Variants in BCKDHB observed in about 807,000 individuals in gnomAD.
BCKDHB encodes 2-oxoisovalerate dehydrogenase subunit beta, mitochondrial.
BCKDHB carries 41 observed loss-of-function variants against 48.5 expected under a neutral mutation model. The ratio of observed to expected loss-of-function variants is 0.85; its 90% CI spans 0.66 to 1.10. The LOEUF is 1.10. Ranked by LOEUF, BCKDHB falls within the 50% of genes least tolerant of loss-of-function variation. The pLI, the probability that BCKDHB is intolerant of heterozygous loss-of-function variation, is 0.00. For missense variants in BCKDHB, 496 were observed against 494.2 expected (o/e 1.00, Z -0.03); for synonymous variants, 201 against 174.8 (o/e 1.15, Z -1.18).
rs537762539 is a variant in BCKDHB at position 80,192,731 on chromosome 6, C to T, written c.743-8203C>T. On this transcript the variant is annotated intron_variant, in intron 6 of 9. Coordinates refer to ENST00000320393, the MANE Select transcript of BCKDHB (RefSeq NM_183050.4). Reference sequence around the variant, plus strand: ...CTTTTTTTGTTTACATTAAATGAGACAGGGAAATGTAATGAAGTTAATTTG... The same window carrying T: ...CTTTTTTTGTTTACATTAAATGAGATAGGGAAATGTAATGAAGTTAATTTG... 2.1e-4 allele frequency among the ~76,000 whole-genome samples: 32 copies of T among 151,796 alleles called. No individual in the cohort carries two copies. The South Asian group carries it at 6.6e-3, about 32-fold the overall frequency.
chr6:80,253,350 A>G (rs1362579008), intron 8 of BCKDHB, among the ~76,000 whole-genome samples: 1 of 152,186 alleles, frequency 6.6e-6, no homozygotes, highest in Non-Finnish European at 1.5e-5. Flanking sequence ...CTAGAGAGGA[A>G]GGTTGCAGGA....
At chr6:80,366,050 G>A in the BCKDHB span, among the ~76,000 whole-genome samples, 201 of 152,266 alleles carry the variant, frequency 1.3e-3, 1 homozygote, top group East Asian at 0.025. Flanking sequence ...TTAGTGTGGC[G>A]TGTGTTGCAA....
chr6:80,407,763 A>T, the BCKDHB span, among the ~76,000 whole-genome samples: 2 of 152,204 alleles, frequency 1.3e-5, no homozygotes, highest in Non-Finnish European at 2.9e-5. Flanking sequence ...GGCTGAGATG[A>T]TGGGGTTTTC....
Position 80,106,876 on chromosome 6 carries a change from G to A in BCKDHB, c.183G>A (p.Glu61=). The change falls in exon 1 of 10, where the codon GAG becomes GAA. Residue 61 remains glutamate, a synonymous_variant. Coordinates refer to ENST00000320393, the MANE Select transcript of BCKDHB (RefSeq NM_183050.4). ...ATTTTACTTTCCAGCCAGATCCGGAGCCCCGGGAGTACGGTGAGCCCTGGG... is the reference window on the plus strand; with the variant it reads ...ATTTTACTTTCCAGCCAGATCCGGAACCCCGGGAGTACGGTGAGCCCTGGG... ...VAHFTFQPDP[E]PREYGQTQKM... The A allele has an allele frequency of 6.2e-7, 1 of 1,607,554 alleles. No homozygotes were observed. The highest frequency in any genetic ancestry group is 2.2e-5 in the East Asian group (1 of 44,678).
intron 9 of BCKDHB, chr6:80,307,753 G>A: frequency 1.0e-6 from 1 of 982,622 alleles, no homozygotes; most frequent in Non-Finnish European, 1.2e-6. Flanking sequence ...ATTTATTTTA[G>A]TAGAAGATGA....
downstream of BCKDHB, among the ~76,000 whole-genome samples, chr6:80,350,518 G>A (rs1237801185): frequency 6.6e-6 from 1 of 152,054 alleles, no homozygotes; most frequent in Admixed American, 6.6e-5. Context: ...ATACTGCAAA[G>A]CTCCTTTCTT....
chr6:80,186,297 G>A (rs932953868), intron 6 of BCKDHB, among the ~76,000 whole-genome samples: 1 of 152,246 alleles, frequency 6.6e-6, no homozygotes. Context: ...GTGATGTTCC[G>A]GGGCATTACA....
chr6:80,354,320 C>T, the BCKDHB span, among the ~76,000 whole-genome samples: 6 of 152,098 alleles, frequency 3.9e-5, no homozygotes, highest in Non-Finnish European at 8.8e-5. Flanking sequence ...CTCTGCCTCA[C>T]GGGTTCAAAC....
the BCKDHB span, among the ~76,000 whole-genome samples, chr6:80,460,887 T>A: frequency 6.6e-6 from 1 of 152,124 alleles, no homozygotes; most frequent in Non-Finnish European, 1.5e-5. Flanking sequence ...TCTGTGAAAC[T>A]CTTCAGCAGA....
chr6:80,246,894 C>T (rs970041937), intron 8 of BCKDHB, among the ~76,000 whole-genome samples: 3 of 152,038 alleles, frequency 2.0e-5, no homozygotes, highest in African/African-American at 7.2e-5. Flanking sequence ...CACCCCTCTC[C>T]CCCAACATAC....
intron 2 of BCKDHB, among the ~76,000 whole-genome samples, chr6:80,127,982 C>T (rs529538631): frequency 1.3e-5 from 2 of 152,006 alleles, no homozygotes; most frequent in Admixed American, 1.3e-4. Flanking sequence ...TTATGCTTCC[C>T]TTTGGAATAC....
chr6:80,347,725 T>A (rs944736856), downstream of BCKDHB, among the ~76,000 whole-genome samples: 1 of 152,220 alleles, frequency 6.6e-6, no homozygotes, highest in Non-Finnish European at 1.5e-5. Context: ...TCACCTCTAG[T>A]TAGCCCTGCA....
At chr6:80,307,340 G>C (rs1411743765) in intron 9 of BCKDHB, 2 of 847,388 alleles carry the variant, frequency 2.4e-6, no homozygotes, top group Middle Eastern at 5.9e-4. Flanking sequence ...TGCATTGACA[G>C]ATATTTAATA....
chr6:80,175,702 C>T (rs1310022505), intron 6 of BCKDHB, among the ~76,000 whole-genome samples: 1 of 152,116 alleles, frequency 6.6e-6, no homozygotes, highest in East Asian at 1.9e-4. Flanking sequence ...GGTTACACTG[C>T]ATTGTTTAAA....
At chr6:80,439,856 C>A in the BCKDHB span, among the ~76,000 whole-genome samples, 1 of 152,174 alleles carries the variant, frequency 6.6e-6, no homozygotes, top group Non-Finnish European at 1.5e-5. Flanking sequence ...TAACTCCTGT[C>A]TTGCTGGCAC....
the BCKDHB span, among the ~76,000 whole-genome samples, chr6:80,465,270 G>T: frequency 6.6e-6 from 1 of 152,160 alleles, no homozygotes; most frequent in African/African-American, 2.4e-5. Context: ...GCTGAAAATT[G>T]AAACAGGTAA....
intron 1 of BCKDHB, among the ~76,000 whole-genome samples, chr6:80,122,031 T>C (rs530044123): frequency 1.4e-4 from 21 of 152,336 alleles, no homozygotes; most frequent in Middle Eastern, 3.4e-3. Flanking sequence ...GTTCCATCAA[T>C]ACCTAGTTTA....
chr6:80,275,544 T>C (rs1358552440), intron 9 of BCKDHB, among the ~76,000 whole-genome samples: 2 of 152,064 alleles, frequency 1.3e-5, no homozygotes, highest in East Asian at 3.8e-4. Context: ...ATTCAGATTT[T>C]ATTTGCACAA....
intron 9 of BCKDHB, among the ~76,000 whole-genome samples, chr6:80,283,446 A>T (rs1463101738): frequency 6.6e-6 from 1 of 152,036 alleles, no homozygotes; most frequent in African/African-American, 2.4e-5. Flanking sequence ...GTCCCCCTTG[A>T]ATTCAAAGGT....
Sources: allele counts gnomAD v4.1 joint callset (sites outside exome capture counted in the v4.1 genomes callset), GRCh38; gene constraint gnomAD v4.1.1; transcripts MANE v1.5; gene names NCBI Gene and HGNC (gene_info 2026-07-23, HGNC 2026-07-21).